The following TRERF1 variants were observed in gnomAD, a reference collection of about 807,000 sequenced individuals.
The protein encoded by TRERF1 is transcriptional-regulating factor 1.
A neutral mutation model predicts 122.9 loss-of-function variants in TRERF1; 27 were observed. The observed-to-expected ratio is 0.22, with a 90% CI of 0.16 to 0.30. The LOEUF (loss-of-function observed/expected upper bound fraction) is 0.30, where lower values mean the gene tolerates loss of function less well. Among genes scored for constraint, TRERF1 ranks in the 10% least tolerant of loss-of-function variants. The probability of loss-of-function intolerance (pLI) is 1.00; values close to 1 mark genes in which losing one functional copy is unlikely to be tolerated. For missense variants in TRERF1, 1,248 were observed against 1,560.3 expected (o/e 0.80, Z 3.37); for synonymous variants, 636 against 641.7 (o/e 0.99, Z 0.13).
Position 42,268,111 on chromosome 6 carries a change from G to C in TRERF1, c.1437+43C>G. On this transcript the variant is annotated intron_variant, in intron 5 of 17. Coordinates refer to ENST00000372922, the Ensembl canonical transcript of TRERF1. The surrounding 1 kb of genome is among the most constrained non-coding windows in gnomAD (Gnocchi z 4.4). ...GCACTGCAGACTCAGCCCTGACCCT[G>C]TAGCACACTGGGTATTGAGAGAAAC... The C allele has an allele frequency of 7.0e-7, 1 of 1,425,096 alleles. No homozygotes were observed. The highest frequency in any genetic ancestry group is 9.2e-7 in the Non-Finnish European group (1 of 1,086,958). 88.3% of individuals were successfully genotyped at this position (1,425,096 alleles called of 1,614,324 possible).
chr6:42,371,998 A>G (rs1437272324), intron 2 of TRERF1, among the ~76,000 whole-genome samples: 1 of 152,122 alleles, frequency 6.6e-6, no homozygotes, highest in African/African-American at 2.4e-5. Context: ...CCTGGCCAAC[A>G]TGGTGAAACC....
intron 2 of TRERF1, among the ~76,000 whole-genome samples, chr6:42,415,195 T>C (rs1279053413): frequency 1.3e-5 from 2 of 152,204 alleles, no homozygotes; most frequent in South Asian, 2.1e-4. Flanking sequence ...TACACTTCTT[T>C]TCTGTGAATT....
At chr6:42,418,218 CTTTTTTTTT>C (rs34388801) in intron 2 of TRERF1, among the ~76,000 whole-genome samples, 1 of 34,656 alleles carries the variant, frequency 2.9e-5, no homozygotes, top group Non-Finnish European at 5.0e-5. Flanking sequence ...TTTTTCTTTC[CTTTTTTTTT>C]TTTTTTTTTT....
chr6:42,296,047 C>G (rs1243380356), intron 4 of TRERF1, among the ~76,000 whole-genome samples: 1 of 152,062 alleles, frequency 6.6e-6, no homozygotes, highest in African/African-American at 2.4e-5. Flanking sequence ...AGCAGTAATG[C>G]CATCCCTTGA....
intron 12 of TRERF1, 60 bp downstream of exon 12, chr6:42,256,668 T>C (rs1302623900): frequency 1.3e-5 from 19 of 1,500,556 alleles, no homozygotes; most frequent in Admixed American, 1.7e-5. Flanking sequence ...TGAGACAATA[T>C]TGAAACTTGG....
At chr6:42,418,634 T>C (rs1483957305) in intron 2 of TRERF1, among the ~76,000 whole-genome samples, 1 of 152,082 alleles carries the variant, frequency 6.6e-6, no homozygotes, top group Admixed American at 6.6e-5. Context: ...CTTTGAGTAC[T>C]AGATTATACT....
intron 2 of TRERF1, among the ~76,000 whole-genome samples, chr6:42,412,824 T>A (rs1052292962): frequency 2.0e-5 from 3 of 152,200 alleles, no homozygotes; most frequent in Admixed American, 2.0e-4. Context: ...CATGTGTCTG[T>A]CATCCCAGCT....
At chr6:42,247,255 G>A (rs1451026006) in intron 13 of TRERF1, among the ~76,000 whole-genome samples, 1 of 152,214 alleles carries the variant, frequency 6.6e-6, no homozygotes, top group Non-Finnish European at 1.5e-5. Context: ...TGCAAAGTCA[G>A]AGGCAAGAGT....
intron 13 of TRERF1, among the ~76,000 whole-genome samples, chr6:42,248,291 C>T (rs1287171796): frequency 1.3e-5 from 2 of 152,052 alleles, no homozygotes; most frequent in African/African-American, 2.4e-5. Flanking sequence ...CACAGCTGGG[C>T]GGGGTCAGAC....
At position 42,362,356 on chromosome 6, in the gene TRERF1, C is replaced by T. The variant is rs375932453; in HGVS notation, c.-371+641G>A. Among the ~76,000 whole-genome samples the T allele has an allele frequency of 2.0e-5, 3 of 152,368 alleles. No individual in the cohort carries two copies. The South Asian group carries it at 6.2e-4, about 32-fold the overall frequency. On this transcript the variant is annotated intron_variant, in intron 3 of 17. Coordinates refer to ENST00000372922, the Ensembl canonical transcript of TRERF1. Reference sequence around the variant, plus strand: ...AAATAATCAAATCAGATACCACCCCCCTTCCCCACTGTCGCCAAGAATGTG... The same window carrying T: ...AAATAATCAAATCAGATACCACCCCTCTTCCCCACTGTCGCCAAGAATGTG...
intron 4 of TRERF1, among the ~76,000 whole-genome samples, chr6:42,286,157 C>A (rs1234029699): frequency 1.4e-5 from 2 of 147,830 alleles, no homozygotes; most frequent in Admixed American, 6.7e-5. Flanking sequence ...GGATTAAAGA[C>A]TTAAACGTTA....
At chr6:42,262,332 C>G (rs1447160831) in intron 8 of TRERF1, among the ~76,000 whole-genome samples, 2 of 151,940 alleles carry the variant, frequency 1.3e-5, no homozygotes, top group Non-Finnish European at 2.9e-5. Context: ...GGATTCCCAG[C>G]AGCTACCTAT....
At chr6:42,299,080 A>ATATC (rs10627055) in intron 4 of TRERF1, among the ~76,000 whole-genome samples, 36,380 of 134,620 alleles carry the variant, frequency 0.27, 4,588 homozygotes, top group East Asian at 0.34. Context: ...GTCTCTAAAA[A>ATATC]TATCTATCTA....
intron 3 of TRERF1, among the ~76,000 whole-genome samples, chr6:42,321,216 A>AC (rs1475581218): frequency 5.9e-5 from 9 of 151,438 alleles, no homozygotes; most frequent in South Asian, 2.1e-4. Flanking sequence ...CAACCCTGAG[A>AC]CCCCCCTAAA....
At chr6:42,258,678 G>T (rs1226904455) in intron 9 of TRERF1, among the ~76,000 whole-genome samples, 1 of 152,130 alleles carries the variant, frequency 6.6e-6, no homozygotes, top group Non-Finnish European at 1.5e-5. Flanking sequence ...GGGTTCAAGA[G>T]ATTCTCCTGC....
chr6:42,337,599 G>C (rs910413920), intron 3 of TRERF1, among the ~76,000 whole-genome samples: 2 of 152,172 alleles, frequency 1.3e-5, no homozygotes, highest in Non-Finnish European at 2.9e-5. Flanking sequence ...TGAGAGCTCA[G>C]TGGAGGGGAA....
rs564403670 is a variant in TRERF1, at chr6:42,260,926, TAGGAG to T, written c.1885-1208_1885-1204del. On this transcript the variant is annotated intron_variant, in intron 8 of 17. Coordinates refer to ENST00000372922, the Ensembl canonical transcript of TRERF1. ...CCTTCCATGGTGCCATCCTGGCCTCTAGGAGAGGAGTCTAGGGAGGCAGAGAGTGG... is the reference window on the plus strand; with the variant it reads ...CCTTCCATGGTGCCATCCTGGCCTCTAGGAGTCTAGGGAGGCAGAGAGTGG... Among the ~76,000 whole-genome samples, 516 of 152,180 alleles carry T rather than the reference TAGGAG, an allele frequency of 3.4e-3. 1 individual carries two copies. Among genetic ancestry groups the T allele is most frequent in the Non-Finnish European group, 4.5e-3 (306 of 67,960 alleles).
intron 3 of TRERF1, among the ~76,000 whole-genome samples, chr6:42,316,889 C>T (rs1762592170): frequency 1.3e-5 from 2 of 152,134 alleles, no homozygotes; most frequent in Admixed American, 1.3e-4. Context: ...CCAGAGGTCA[C>T]AAGATTTGTG....
At chr6:42,331,469 G>A (rs1189269094) in intron 3 of TRERF1, among the ~76,000 whole-genome samples, 2 of 152,196 alleles carry the variant, frequency 1.3e-5, no homozygotes, top group Non-Finnish European at 2.9e-5. Flanking sequence ...GCAGATGTGC[G>A]AGTGGAGGTT....
Sources: gnomAD v4.1 joint callset for allele counts (sites outside exome capture counted in the v4.1 genomes callset) on GRCh38, gnomAD v4.1.1 for gene constraint, Gnocchi (gnomAD v3.1) non-coding constraint, MANE v1.5 for transcripts, NCBI Gene and HGNC (gene_info 2026-07-23, HGNC 2026-07-21) for gene names.